The following TBC1D22A variants were observed in gnomAD, a reference collection of about 807,000 sequenced individuals.
TBC1D22A encodes the protein TBC1 domain family member 22A, also known as putative GTPase activator.
TBC1D22A carries 38 observed loss-of-function variants against 60.2 expected under a neutral mutation model. That is an observed-to-expected ratio of 0.63 (90% CI 0.49 to 0.83). The LOEUF (loss-of-function observed/expected upper bound fraction) is 0.83. TBC1D22A is among the 40% of genes least tolerant of loss of function. TBC1D22A has a pLI of 0.00. For missense variants in TBC1D22A, 628 were observed against 701.0 expected, an observed-to-expected ratio of 0.90 and a Z score of 1.18; for synonymous variants, 302 against 281.7, an observed-to-expected ratio of 1.07 and a Z score of -0.72.
chr22:46,941,338 TATATATATATAGA>T (rs1368682884), intron 8 of TBC1D22A, among the ~76,000 whole-genome samples: 3 of 93,594 alleles, frequency 3.2e-5, no homozygotes, highest in South Asian at 2.9e-4. Context: ...CACTACAATA[TATATATATATAGA>T]ATATATATAC....
chr22:47,038,917 A>T (rs2062745742), intron 11 of TBC1D22A, among the ~76,000 whole-genome samples: 1 of 152,202 alleles, frequency 6.6e-6, no homozygotes, highest in East Asian at 1.9e-4. Flanking sequence ...AGTGCTATTG[A>T]TCGGCTCTCT....
intron 11 of TBC1D22A, among the ~76,000 whole-genome samples, chr22:47,079,178 C>T (rs775547966): frequency 2.0e-5 from 3 of 151,374 alleles, no homozygotes; most frequent in Admixed American, 6.6e-5. Flanking sequence ...CTTCCACCTC[C>T]CAGGTTCAAG....
At chr22:46,904,142 T>TCTATCTACCTACCTACCTACCTAC (rs57116517) in intron 7 of TBC1D22A, among the ~76,000 whole-genome samples, 4 of 134,498 alleles carry the variant, frequency 3.0e-5, no homozygotes, top group Admixed American at 7.4e-5. Flanking sequence ...TATCTATCTA[T>TCTATCTACCTACCTACCTACCTAC]CTACCTACCT....
chr22:47,004,546 A>G (rs917516701), intron 10 of TBC1D22A, among the ~76,000 whole-genome samples: 6 of 151,434 alleles, frequency 4.0e-5, no homozygotes, highest in African/African-American at 1.5e-4. Context: ...CCATATACAC[A>G]GGCAGGCTCC....
intron 2 of TBC1D22A, chr22:46,792,875 A>G: frequency 1.4e-6 from 2 of 1,433,156 alleles, no homozygotes; most frequent in African/African-American, 1.4e-5. Flanking sequence ...CAGGCCATCC[A>G]TGCTGGCTTG....
At chr22:46,906,094 G>A (rs924179085) in intron 7 of TBC1D22A, among the ~76,000 whole-genome samples, 1 of 152,150 alleles carries the variant, frequency 6.6e-6, no homozygotes, top group South Asian at 2.1e-4. Flanking sequence ...TTAGTCCAGG[G>A]TGGAGCCATC....
chr22:46,931,345 A>G (rs981261809), intron 8 of TBC1D22A, among the ~76,000 whole-genome samples: 1 of 152,142 alleles, frequency 6.6e-6, no homozygotes, highest in African/African-American at 2.4e-5. Context: ...TGTTTTTCCC[A>G]ATTCATTTTC....
intron 12 of TBC1D22A, 23 bp downstream of exon 12, chr22:47,111,626 G>A (rs1282402291): frequency 6.3e-6 from 10 of 1,597,442 alleles, no homozygotes; most frequent in Non-Finnish European, 8.6e-6. Flanking sequence ...CTTTTCAAAA[G>A]AACCCAAGTT....
intron 11 of TBC1D22A, among the ~76,000 whole-genome samples, chr22:47,054,869 CGTG>C (rs1569396424): frequency 6.6e-6 from 1 of 152,170 alleles, no homozygotes; most frequent in African/African-American, 2.4e-5. Context: ...GCAGAAATGT[CGTG>C]GTGTGTAGGG....
At chr22:46,773,984 G>A (rs1601808382) in intron 1 of TBC1D22A, 2 of 985,532 alleles carry the variant, frequency 2.0e-6, no homozygotes, top group Non-Finnish European at 2.4e-6. Context: ...TTCCCTAGGG[G>A]ACTTAACAGG....
intron 12 of TBC1D22A, among the ~76,000 whole-genome samples, chr22:47,164,986 G>C (rs906447074): frequency 1.3e-5 from 2 of 152,172 alleles, no homozygotes; most frequent in African/African-American, 4.8e-5. Flanking sequence ...GTCATTTCGG[G>C]AGTAGGAGTG....
At chr22:46,920,652 A>G (rs763128722) in intron 8 of TBC1D22A, among the ~76,000 whole-genome samples, 6 of 151,904 alleles carry the variant, frequency 3.9e-5, no homozygotes, top group Non-Finnish European at 8.8e-5. Flanking sequence ...GATTAGAGAA[A>G]CTCTGTTGAA....
chr22:46,774,699 T>C (rs2083625897), intron 1 of TBC1D22A, among the ~76,000 whole-genome samples: 1 of 152,202 alleles, frequency 6.6e-6, no homozygotes, highest in Admixed American at 6.5e-5. Flanking sequence ...CGGGTTCACC[T>C]TCAGGCCCAT....
intron 12 of TBC1D22A, among the ~76,000 whole-genome samples, chr22:47,118,733 A>ACCT (rs1418963702): frequency 2.0e-5 from 3 of 152,178 alleles, no homozygotes; most frequent in Non-Finnish European, 4.4e-5. Flanking sequence ...TCCAGCAAGG[A>ACCT]GGACCGAGAT....
intron 4 of TBC1D22A, among the ~76,000 whole-genome samples, chr22:46,814,805 T>C (rs773543184): frequency 1.3e-5 from 2 of 150,442 alleles, no homozygotes; most frequent in Non-Finnish European, 3.0e-5. Flanking sequence ...GCCACCACAC[T>C]GGCTATTTTT....
At chr22:46,978,513 T>C (rs1311776673) in intron 9 of TBC1D22A, among the ~76,000 whole-genome samples, 1 of 152,270 alleles carries the variant, frequency 6.6e-6, no homozygotes, top group Non-Finnish European at 1.5e-5. Flanking sequence ...TATCTACTTC[T>C]ACATTCAATT....
chr22:46,840,197 C>A (rs949278650), intron 4 of TBC1D22A, among the ~76,000 whole-genome samples: 5 of 152,134 alleles, frequency 3.3e-5, no homozygotes, highest in African/African-American at 1.2e-4. Flanking sequence ...AACTATACAT[C>A]TGATATGGGG....
At chr22:47,132,632 T>C (rs1271801900) in intron 12 of TBC1D22A, among the ~76,000 whole-genome samples, 1 of 152,228 alleles carries the variant, frequency 6.6e-6, no homozygotes, top group Non-Finnish European at 1.5e-5. Flanking sequence ...CCTTTCTTCC[T>C]CTTCCCTGGC....
At chr22:46,877,238 A>T (rs1187326302) in intron 4 of TBC1D22A, among the ~76,000 whole-genome samples, 1 of 152,250 alleles carries the variant, frequency 6.6e-6, no homozygotes, top group East Asian at 1.9e-4. Context: ...TTTGAGGATC[A>T]AATAAGATAA....
Sources: allele counts gnomAD v4.1 joint callset (sites outside exome capture counted in the v4.1 genomes callset), GRCh38; gene constraint gnomAD v4.1.1; transcripts MANE v1.5; gene names NCBI Gene and HGNC (gene_info 2026-07-23, HGNC 2026-07-21).